ME1: variants seen among roughly 807,000 people sequenced by gnomAD.
ME1 encodes the protein malic enzyme 1.
Under a neutral mutation model 66.4 loss-of-function variants are expected in ME1, and 74 were observed. The ratio of observed to expected loss-of-function variants is 1.11; its 90% CI spans 0.92 to 1.35. ME1 has a LOEUF of 1.35. Ranked by LOEUF, ME1 falls within the 40% of genes most tolerant of loss-of-function variation. The pLI, the probability that ME1 is intolerant of heterozygous loss-of-function variation, is 0.00. For missense variants in ME1, 750 were observed against 694.1 expected, an observed-to-expected ratio of 1.08 and a Z score of -0.90; for synonymous variants, 251 against 235.6, an observed-to-expected ratio of 1.07 and a Z score of -0.60.
intron 5 of ME1, among the ~76,000 whole-genome samples, chr6:83,343,952 A>G (rs1211589337): frequency 6.6e-6 from 1 of 152,062 alleles, no homozygotes; most frequent in African/African-American, 2.4e-5. Flanking sequence ...ACTAGTGCAC[A>G]GCTTTTTTTT....
chr6:83,418,140 G>A (rs1195135329), intron 1 of ME1, among the ~76,000 whole-genome samples: 2 of 152,194 alleles, frequency 1.3e-5, no homozygotes, highest in Non-Finnish European at 2.9e-5. Flanking sequence ...TGCTTTTACA[G>A]TTACTTTATG....
chr6:83,406,841 G>A (rs533692832), intron 2 of ME1, among the ~76,000 whole-genome samples: 191 of 152,172 alleles, frequency 1.3e-3, no homozygotes, highest in African/African-American at 4.5e-3. Context: ...CCAGCACACT[G>A]CCTTTGGACT....
chr6:83,226,561 G>A (rs1435628694), intron 11 of ME1, among the ~76,000 whole-genome samples: 1 of 152,030 alleles, frequency 6.6e-6, no homozygotes, highest in Non-Finnish European at 1.5e-5. Context: ...ACAATGGAGT[G>A]GCTCCTTGCC....
In ME1 at chr6:83,425,715, A is replaced by G. The variant is rs1431129439; in HGVS notation, c.78+5162T>C. 2.0e-5 allele frequency among the ~76,000 whole-genome samples: 3 copies of G among 152,300 alleles called. No individual in the cohort carries two copies. The South Asian group carries it at 6.2e-4, about 32-fold the overall frequency. ...AACACAGACAAACCATATCAAACAC[A>G]CAAGTATTTTTGCCGATGTTCTTAC... On this transcript the variant is annotated intron_variant, in intron 1 of 13. Transcript: ENST00000369705.
intron 9 of ME1, among the ~76,000 whole-genome samples, chr6:83,237,092 C>A (rs1192928880): frequency 6.7e-6 from 1 of 150,112 alleles, no homozygotes; most frequent in Non-Finnish European, 1.5e-5. Flanking sequence ...GCTCAGAAAG[C>A]TAAGGTGGGA....
At chr6:83,356,364 A>G (rs1403244293) in intron 3 of ME1, among the ~76,000 whole-genome samples, 17 of 152,186 alleles carry the variant, frequency 1.1e-4, no homozygotes, top group Admixed American at 1.1e-3. Flanking sequence ...ACGCTGAGTT[A>G]TATACCAAAG....
chr6:83,226,664 C>A (rs768289052), intron 11 of ME1, among the ~76,000 whole-genome samples: 3 of 152,132 alleles, frequency 2.0e-5, no homozygotes, highest in South Asian at 2.1e-4. Flanking sequence ...AGTGACATAG[C>A]GTTCATGTTT....
At chr6:83,287,595 A>G (rs966959960) in intron 6 of ME1, among the ~76,000 whole-genome samples, 11 of 152,186 alleles carry the variant, frequency 7.2e-5, no homozygotes, top group Admixed American at 7.2e-4. Flanking sequence ...GCCATTGTGA[A>G]TAGTGCAGCA....
At chr6:83,238,799 A>AATATATAT (rs34022791) in intron 8 of ME1, among the ~76,000 whole-genome samples, 38 of 139,286 alleles carry the variant, frequency 2.7e-4, no homozygotes, top group African/African-American at 9.3e-4. Flanking sequence ...TTTCTTGAAA[A>AATATATAT]ATATATATAT....
At chr6:83,221,656 T>C (rs975141147) in intron 12 of ME1, among the ~76,000 whole-genome samples, 1 of 151,846 alleles carries the variant, frequency 6.6e-6, no homozygotes, top group Non-Finnish European at 1.5e-5. Flanking sequence ...ACTGGAGATA[T>C]GGAAAAAGAT....
chr6:83,313,745 A>G (rs1331392063), intron 6 of ME1, among the ~76,000 whole-genome samples: 1 of 143,970 alleles, frequency 6.9e-6, no homozygotes, highest in African/African-American at 2.6e-5. Flanking sequence ...ACTATTAGAA[A>G]TTAACTGTAT....
intron 2 of ME1, 95 bp downstream of exon 2, chr6:83,407,673 C>T: frequency 1.5e-6 from 2 of 1,294,404 alleles, no homozygotes; most frequent in Non-Finnish European, 2.1e-6. Flanking sequence ...CTACCCTTTC[C>T]AAATCATTAA....
At chr6:83,212,891 C>G (rs896580140) in intron 13 of ME1, among the ~76,000 whole-genome samples, 1 of 152,172 alleles carries the variant, frequency 6.6e-6, no homozygotes, top group African/African-American at 2.4e-5. Context: ...TTCAACTACT[C>G]AGAGAAAATG....
At chr6:83,229,929 C>T (rs899938792) in intron 9 of ME1, among the ~76,000 whole-genome samples, 2 of 152,010 alleles carry the variant, frequency 1.3e-5, no homozygotes, top group Non-Finnish European at 2.9e-5. Flanking sequence ...GTCAAGGGAT[C>T]CTCCCACCTA....
At chr6:83,305,747 AG>A (rs1363182142) in intron 6 of ME1, among the ~76,000 whole-genome samples, 1 of 152,160 alleles carries the variant, frequency 6.6e-6, no homozygotes, top group Non-Finnish European at 1.5e-5. Context: ...ATACGATATT[AG>A]TTGCAATTAG....
At position 83,430,974 on chromosome 6, in the gene ME1, G is replaced by T. The variant is rs754095086; in HGVS notation, c.-20C>A. On this transcript the variant is annotated 5_prime_UTR_variant, in exon 1 of 14. Transcript: ENST00000369705. ...CTCCATGGCTGGCGCCGGGTTCGGC[G>T]GCGGGGTCAGGCCGGGGCGGGCCGC... The T allele has an allele frequency of 8.6e-6, 13 of 1,509,612 alleles. No homozygotes were observed. Among genetic ancestry groups the T allele is most frequent in the African/African-American group, 1.4e-5 (1 of 69,726 alleles). The allele number at this position is 1,509,612 out of a possible 1,614,324, so 93.5% of individuals were successfully genotyped here. A position where few individuals can be genotyped will look rare whatever the true frequency, so the allele number is the denominator to read the frequency against.
At chr6:83,347,512 T>C (rs983477431) in intron 4 of ME1, among the ~76,000 whole-genome samples, 7 of 152,188 alleles carry the variant, frequency 4.6e-5, no homozygotes, top group African/African-American at 1.7e-4. Context: ...CTGTTTCTTA[T>C]TGGTAAATTG....
intron 6 of ME1, among the ~76,000 whole-genome samples, chr6:83,283,212 A>G (rs1767335231): frequency 7.8e-6 from 1 of 128,986 alleles, no homozygotes; most frequent in South Asian, 2.4e-4. Context: ...TGGGCGACAG[A>G]GCAAGACTCC....
intron 7 of ME1, among the ~76,000 whole-genome samples, chr6:83,250,828 T>C (rs1790710279): frequency 6.6e-6 from 1 of 152,240 alleles, no homozygotes; most frequent in South Asian, 2.1e-4. Context: ...AGACCAAAGG[T>C]TGGCAAACTC....
Sources: allele counts gnomAD v4.1 joint callset (sites outside exome capture counted in the v4.1 genomes callset), GRCh38; gene constraint gnomAD v4.1.1; transcripts MANE v1.5; gene names NCBI Gene and HGNC (gene_info 2026-07-23, HGNC 2026-07-21).